Variants in ASIC2 observed in about 807,000 individuals in gnomAD.
ASIC2 encodes acid sensing ion channel subunit 2.
ASIC2 carries 25 observed loss-of-function variants against 57.3 expected under a neutral mutation model. The ratio of observed to expected loss-of-function variants is 0.44; its 90% CI spans 0.32 to 0.61. ASIC2 has a LOEUF of 0.61. Ranked by LOEUF, ASIC2 falls within the 20% of genes least tolerant of loss-of-function variation. The pLI is 0.06. For missense variants in ASIC2, 641 were observed against 738.1 expected, an observed-to-expected ratio of 0.87 and a Z score of 1.52; for synonymous variants, 319 against 307.5, an observed-to-expected ratio of 1.04 and a Z score of -0.39.
intron 1 of ASIC2, among the ~76,000 whole-genome samples, chr17:33,745,656 A>G (rs1436122061): frequency 4.6e-5 from 7 of 152,162 alleles, no homozygotes; most frequent in Non-Finnish European, 1.0e-4. Flanking sequence ...AAGTGCAGAA[A>G]AAAGAAAAAA....
intron 1 of ASIC2, among the ~76,000 whole-genome samples, chr17:33,301,051 T>G (rs969955848): frequency 1.3e-5 from 2 of 150,146 alleles, no homozygotes; most frequent in Admixed American, 1.3e-4. Context: ...AAAAAAAAAA[T>G]GATGTCTCAC....
intron 1 of ASIC2, among the ~76,000 whole-genome samples, chr17:34,119,606 T>TACACACACACACAC (rs1217350173): frequency 7.8e-6 from 1 of 127,436 alleles, no homozygotes; most frequent in African/African-American, 3.3e-5. Context: ...TCCCTTTCTC[T>TACACACACACACAC]ACACAGACAC....
rs533683693 is a variant in ASIC2, at chr17:33,180,139, G to C, written c.709-68072C>G. 2.6e-5 allele frequency among the ~76,000 whole-genome samples: 4 copies of C among 152,250 alleles called. No homozygotes were observed. In the South Asian group the frequency reaches 8.3e-4, roughly 32 times the overall value. On this transcript the variant is annotated intron_variant, in intron 1 of 9. Coordinates refer to ENST00000225823, the MANE Select transcript of ASIC2 (RefSeq NM_183377.2). ...GGAAACTATTGAAACATTTACTATA[G>C]GATCTTGACCTACACTCTTAACTCA...
At position 33,616,873 on chromosome 17, in the gene ASIC2, G is replaced by A. The variant is rs139937681; in HGVS notation, c.556-504806C>T. On this transcript the variant is annotated intron_variant, in intron 1 of 9. Coordinates refer to the ASIC2 transcript ENST00000359872. ...GGATATGGTTTTTGCCAGGGCTTTT[G>A]GACACCCTCCTATAGACATTGAAAT... Among the ~76,000 whole-genome samples the A allele has an allele frequency of 6.8e-4, 103 of 152,268 alleles. 2 individuals are homozygous for A. In the East Asian group the frequency reaches 0.018, roughly 27 times the overall value.
chr17:33,545,975 T>C (rs1915562594), intron 1 of ASIC2, among the ~76,000 whole-genome samples: 1 of 152,136 alleles, frequency 6.6e-6, no homozygotes, highest in African/African-American at 2.4e-5. Context: ...CATTCTGGAA[T>C]TCTGTTTATG....
In ASIC2 at chr17:33,186,326, G is replaced by T. The variant is rs529989600; in HGVS notation, c.709-74259C>A. Among the ~76,000 whole-genome samples, 28 of 152,186 alleles carry T rather than the reference G, an allele frequency of 1.8e-4. 1 individual carries two copies. The South Asian group carries it at 5.8e-3, about 32-fold the overall frequency. ...GGGTTTCACCATGTTGTCCAGGCTG[G>T]TCTCGAATTCTTGACCTCAAATGAT... is the stretch of plus-strand genomic sequence containing the variant. On this transcript the variant is annotated intron_variant, in intron 1 of 9. Transcript: ENST00000225823.
chr17:33,157,360 C>T (rs1024442789), intron 1 of ASIC2, among the ~76,000 whole-genome samples: 1 of 152,142 alleles, frequency 6.6e-6, no homozygotes, highest in African/African-American at 2.4e-5. Context: ...CCGTGATGCC[C>T]ATTTTACAGA....
chr17:33,998,253 TTTTA>T (rs1906224621), intron 1 of ASIC2, among the ~76,000 whole-genome samples: 2 of 152,240 alleles, frequency 1.3e-5, no homozygotes, highest in Middle Eastern at 3.4e-3. Flanking sequence ...TTATTTATAA[TTTTA>T]TTTGAGTTTT....
chr17:33,663,792 T>C (rs77416693), intron 1 of ASIC2, among the ~76,000 whole-genome samples: 4,853 of 152,242 alleles, frequency 0.032, 201 homozygotes, highest in African/African-American at 0.087. Context: ...TCAATGGATC[T>C]GTGCCCTTCC....
intron 1 of ASIC2, among the ~76,000 whole-genome samples, chr17:34,078,133 G>A (rs889217430): frequency 2.0e-5 from 3 of 152,130 alleles, no homozygotes; most frequent in Non-Finnish European, 4.4e-5. Context: ...CATCCCTAGA[G>A]AAGCATAGGT....
chr17:33,867,443 T>C (rs1914272383), intron 1 of ASIC2, among the ~76,000 whole-genome samples: 1 of 152,214 alleles, frequency 6.6e-6, no homozygotes, highest in South Asian at 2.1e-4. Context: ...TAAAATGAAC[T>C]TACCAAGGTT....
intron 3 of ASIC2, among the ~76,000 whole-genome samples, chr17:33,056,348 A>T (rs1013842368): frequency 6.6e-6 from 1 of 152,230 alleles, no homozygotes; most frequent in Non-Finnish European, 1.5e-5. Flanking sequence ...AATGAATCGA[A>T]GTGAAAGTGT....
At chr17:33,764,272 G>A (rs534350063) in intron 1 of ASIC2, among the ~76,000 whole-genome samples, 64 of 150,600 alleles carry the variant, frequency 4.2e-4, no homozygotes, top group Admixed American at 3.6e-3. Flanking sequence ...AGCCCAGATC[G>A]CGCCACTGCA....
chr17:33,357,513 T>C (rs1908432445), intron 1 of ASIC2, among the ~76,000 whole-genome samples: 1 of 152,198 alleles, frequency 6.6e-6, no homozygotes. Context: ...TATATGCTTA[T>C]CTTCTCCCTG....
intron 1 of ASIC2, among the ~76,000 whole-genome samples, chr17:33,701,317 T>G (rs1442572237): frequency 6.6e-6 from 1 of 152,192 alleles, no homozygotes; most frequent in Admixed American, 6.5e-5. Context: ...TGTTCAATAT[T>G]TAATTCTGCA....
intron 1 of ASIC2, among the ~76,000 whole-genome samples, chr17:33,781,237 C>T (rs183966961): frequency 6.6e-6 from 1 of 152,292 alleles, no homozygotes; most frequent in Non-Finnish European, 1.5e-5. Flanking sequence ...TAGAAATGAC[C>T]AAAGCTTTGC....
intron 1 of ASIC2, among the ~76,000 whole-genome samples, chr17:33,961,079 G>A (rs937969501): frequency 2.0e-5 from 3 of 152,204 alleles, no homozygotes; most frequent in Admixed American, 2.0e-4. Flanking sequence ...CCAGGCCAAG[G>A]TGGTAACTTT....
At chr17:33,586,076 C>T (rs1365766477) in intron 1 of ASIC2, among the ~76,000 whole-genome samples, 1 of 152,150 alleles carries the variant, frequency 6.6e-6, no homozygotes, top group Non-Finnish European at 1.5e-5. Context: ...GCCAGTGCTT[C>T]CTAGACTCAG....
At chr17:33,258,331 G>T (rs1452622396) in intron 1 of ASIC2, among the ~76,000 whole-genome samples, 3 of 152,158 alleles carry the variant, frequency 2.0e-5, no homozygotes, top group Non-Finnish European at 4.4e-5. Flanking sequence ...GGGCTGGGTG[G>T]ACACAGACAT....
Sources: allele counts gnomAD v4.1 joint callset (sites outside exome capture counted in the v4.1 genomes callset), GRCh38; gene constraint gnomAD v4.1.1; transcripts MANE v1.5; gene names NCBI Gene and HGNC (gene_info 2026-07-23, HGNC 2026-07-21).